PDE1A: variants seen among roughly 807,000 people sequenced by gnomAD.
PDE1A encodes the protein phosphodiesterase 1A.
A neutral mutation model predicts 61.7 loss-of-function variants in PDE1A; 35 were observed. The ratio of observed to expected loss-of-function variants is 0.57; its 90% confidence interval spans 0.43 to 0.75. The LOEUF (loss-of-function observed/expected upper bound fraction) is 0.75. Among genes scored for constraint, PDE1A ranks in the 30% least tolerant of loss-of-function variants. PDE1A has a pLI of 0.00. For synonymous variants in PDE1A, 232 were observed against 213.2 expected (o/e 1.09, Z -0.77); for missense variants, 597 against 630.6 (o/e 0.95, Z 0.57).
chr2:182,373,315 G>A (rs951637002), intron 1 of PDE1A, among the ~76,000 whole-genome samples: 2 of 152,168 alleles, frequency 1.3e-5, no homozygotes, highest in African/African-American at 2.4e-5. Flanking sequence ...ATAAAATGGT[G>A]GAAGGCAAAG....
chr2:182,427,075 G>A (rs773724732), upstream of PDE1A: 11 of 952,906 alleles, frequency 1.2e-5, no homozygotes, highest in Non-Finnish European at 1.4e-5. Context: ...ACTGTTCTGA[G>A]GCTCAACTTT....
chr2:182,643,189 C>G, the PDE1A span, among the ~76,000 whole-genome samples: 1 of 152,226 alleles, frequency 6.6e-6, no homozygotes, highest in Non-Finnish European at 1.5e-5. Flanking sequence ...TTCTGCTCCT[C>G]CAGCTCCGTA....
chr2:182,213,977 A>G (rs1163460738), intron 7 of PDE1A, among the ~76,000 whole-genome samples: 25 of 131,656 alleles, frequency 1.9e-4, no homozygotes, highest in African/African-American at 6.1e-4. Context: ...CAGAGTCACC[A>G]AAGTTGAAAT....
At chr2:182,170,748 C>A (rs1373886988) in intron 13 of PDE1A, among the ~76,000 whole-genome samples, 1 of 151,898 alleles carries the variant, frequency 6.6e-6, no homozygotes, top group Non-Finnish European at 1.5e-5. Flanking sequence ...TAATAAAACT[C>A]AGTGTATTTC....
chr2:182,694,827 G>GT, the PDE1A span, among the ~76,000 whole-genome samples: 3 of 99,030 alleles, frequency 3.0e-5, no homozygotes, highest in South Asian at 3.6e-4. Flanking sequence ...AAAAAAGGTG[G>GT]GGGGGGGGCA....
chr2:182,413,342 G>T (rs945305564), intron 1 of PDE1A, among the ~76,000 whole-genome samples: 1 of 152,122 alleles, frequency 6.6e-6, no homozygotes, highest in Non-Finnish European at 1.5e-5. Flanking sequence ...AAGACTAGAA[G>T]ATTAATTTTT....
At chr2:182,334,655 C>G (rs892443958) in intron 1 of PDE1A, among the ~76,000 whole-genome samples, 1 of 152,136 alleles carries the variant, frequency 6.6e-6, no homozygotes, top group African/African-American at 2.4e-5. Context: ...TATGACAAAC[C>G]TACAGCCAAT....
downstream of PDE1A, among the ~76,000 whole-genome samples, chr2:182,144,963 C>T (rs964989876): frequency 7.9e-5 from 12 of 152,112 alleles, no homozygotes; most frequent in African/African-American, 2.7e-4. Flanking sequence ...GCTGTGTCCT[C>T]TCTGTTTCCA....
At chr2:182,300,398 G>T (rs569637785) in intron 1 of PDE1A, among the ~76,000 whole-genome samples, 4 of 152,124 alleles carry the variant, frequency 2.6e-5, no homozygotes, top group African/African-American at 7.2e-5. Flanking sequence ...AGGCCATTGC[G>T]ATCAATTGTT....
intron 1 of PDE1A, among the ~76,000 whole-genome samples, chr2:182,300,851 G>A (rs527884731): frequency 2.0e-4 from 31 of 152,246 alleles, no homozygotes; most frequent in African/African-American, 6.3e-4. Flanking sequence ...ACTGTGACAT[G>A]AATGTACGCT....
chr2:182,433,460 A>C (rs550667856), intron 2 of PDE1A, among the ~76,000 whole-genome samples: 1 of 152,138 alleles, frequency 6.6e-6, no homozygotes, highest in African/African-American at 2.4e-5. Flanking sequence ...TCTATAACAG[A>C]CCCAATGTTC....
intron 2 of PDE1A, among the ~76,000 whole-genome samples, chr2:182,507,461 T>C (rs1235561813): frequency 3.9e-5 from 6 of 152,288 alleles, no homozygotes; most frequent in South Asian, 4.1e-4. Context: ...CATCCTCCAA[T>C]AGGTCTCACC....
the PDE1A span, among the ~76,000 whole-genome samples, chr2:182,608,617 C>T: frequency 1.3e-5 from 2 of 152,230 alleles, no homozygotes; most frequent in African/African-American, 2.4e-5. Context: ...CTCGATTTCT[C>T]GCCGGGCCTT....
chr2:182,185,847 T>C, intron 13 of PDE1A, 45 bp downstream of exon 13: 4 of 1,611,802 alleles, frequency 2.5e-6, no homozygotes, highest in Non-Finnish European at 3.4e-6. Context: ...AGAGGAGAAG[T>C]GAAGACAGAG....
intron 2 of PDE1A, among the ~76,000 whole-genome samples, chr2:182,261,299 C>T (rs6759303): frequency 0.065 from 9,838 of 152,162 alleles, 377 homozygotes; most frequent in Middle Eastern, 0.11. Context: ...TGTGTCAAAC[C>T]GTTTCCCTTC....
rs749617932 is a variant in PDE1A at position 182,169,914 on chromosome 2, ACACACACG to A, written c.1517-1632_1517-1625del. Reference sequence around the variant, plus strand: ...GAGACACACACACACACACACACACACACACACGCACACACACACACACACTCTCCCTC... The same window carrying A: ...GAGACACACACACACACACACACACACACACACACACACACACTCTCCCTC... On this transcript the variant is annotated intron_variant, in intron 13 of 13. Coordinates refer to ENST00000351439, the Ensembl canonical transcript of PDE1A. Among the ~76,000 whole-genome samples, 103 of 101,614 alleles carry A rather than the reference ACACACACG, an allele frequency of 1.0e-3. 1 individual carries two copies. The highest frequency in any genetic ancestry group is 4.8e-3 in the Middle Eastern group (1 of 208). The allele number at this position is 101,614 out of a possible 152,430, so 66.7% of individuals were successfully genotyped here.
At chr2:182,301,093 G>A (rs1285057527) in intron 1 of PDE1A, among the ~76,000 whole-genome samples, 2 of 152,070 alleles carry the variant, frequency 1.3e-5, no homozygotes, top group Non-Finnish European at 2.9e-5. Flanking sequence ...TTGGAAAATG[G>A]GAGATTTATC....
intron 1 of PDE1A, among the ~76,000 whole-genome samples, chr2:182,319,581 T>A (rs1696571015): frequency 6.6e-6 from 1 of 152,202 alleles, no homozygotes; most frequent in Non-Finnish European, 1.5e-5. Flanking sequence ...CTTCATCTAC[T>A]CCTGTGGCAA....
At chr2:182,341,443 C>T (rs1698176188) in intron 1 of PDE1A, among the ~76,000 whole-genome samples, 1 of 152,164 alleles carries the variant, frequency 6.6e-6, no homozygotes, top group Non-Finnish European at 1.5e-5. Context: ...AAGATATCCC[C>T]ATTGTTAATC....
Sources: allele counts gnomAD v4.1 joint callset (sites outside exome capture counted in the v4.1 genomes callset), GRCh38; gene constraint gnomAD v4.1.1; transcripts MANE v1.5; gene names NCBI Gene and HGNC (gene_info 2026-07-23, HGNC 2026-07-21).